The following CHRNA1 variants were observed in gnomAD, a reference collection of about 807,000 sequenced individuals.
CHRNA1 encodes the protein cholinergic receptor nicotinic alpha 1 subunit, also known as acetylcholine receptor subunit alpha.
CHRNA1 carries 35 observed loss-of-function variants against 47.1 expected under a neutral mutation model. The ratio of observed to expected loss-of-function variants is 0.74; its 90% CI spans 0.57 to 0.99. CHRNA1 has a LOEUF of 0.99. Among genes scored for constraint, CHRNA1 ranks in the 50% least tolerant of loss-of-function variants. The probability of loss-of-function intolerance (pLI) is 0.00; values close to 1 mark genes in which losing one functional copy is unlikely to be tolerated. For missense variants in CHRNA1, 506 were observed against 591.1 expected, an observed-to-expected ratio of 0.86 and a Z score of 1.49; for synonymous variants, 229 against 223.6, an observed-to-expected ratio of 1.02 and a Z score of -0.22.
At chr2:174,753,417 T>C in intron 6 of CHRNA1, 86 bp downstream of exon 6, 2 of 1,305,098 alleles carry the variant, frequency 1.5e-6, no homozygotes, top group African/African-American at 1.5e-5. Flanking sequence ...GCCTGTTTGT[T>C]AGCACATGAT....
intron 6 of CHRNA1, among the ~76,000 whole-genome samples, chr2:174,752,565 G>A (rs1011147027): frequency 2.6e-5 from 4 of 152,108 alleles, no homozygotes; most frequent in Admixed American, 1.3e-4. Flanking sequence ...GTGAGACCCG[G>A]TCTCAAAACA....
chr2:174,760,830 G>A lies in CHRNA1; in HGVS notation c.44-1197C>T, dbSNP rs1477097786. Among the ~76,000 whole-genome samples, 3 of 152,176 alleles carry A rather than the reference G, an allele frequency of 2.0e-5. No individual in the cohort carries two copies. In the South Asian group the frequency reaches 6.2e-4, roughly 32 times the overall value. On this transcript the variant is annotated intron_variant, in intron 1 of 8. Transcript: ENST00000348749. The stretch of plus-strand genomic sequence containing the variant: ...TGTTGACCTGGGTTTGGGGCTCCTA[G>A]TTGGAACATAAGCGATTCCAAGGAA...
At chr2:174,758,220 C>T (rs1684022525) in intron 3 of CHRNA1, among the ~76,000 whole-genome samples, 1 of 152,132 alleles carries the variant, frequency 6.6e-6, no homozygotes, top group Non-Finnish European at 1.5e-5. Flanking sequence ...ACCAGCCTGG[C>T]TAACATAGTG....
chr2:174,754,464 T>TG, intron 4 of CHRNA1, 50 bp from the exon 5 acceptor site: 2 of 1,532,748 alleles, frequency 1.3e-6, no homozygotes, highest in Non-Finnish European at 9.0e-7. Flanking sequence ...AGATGAGCCT[T>TG]CCATTCTGCT....
chr2:174,754,882 CTTT>C (rs34233623), intron 4 of CHRNA1, among the ~76,000 whole-genome samples: 3 of 120,408 alleles, frequency 2.5e-5, no homozygotes, highest in Non-Finnish European at 5.1e-5. Flanking sequence ...GCCTACTACT[CTTT>C]TTTTTTTTTT....
At position 174,748,241 on chromosome 2, in the gene CHRNA1, C is replaced by T. The variant is rs538109175; in HGVS notation, c.1257G>A (p.Trp419Ter). The stretch of plus-strand genomic sequence containing the variant: ...GGTCCATCACCATTGCAACGTACTT[C>T]CACTCTGCCGCCGCCTGGGAGAGAG... ...DQESNNAAAE[W>*]KYVAMVMDHI... is the part of the protein sequence containing the mutation. Residue 419 changes from tryptophan to a stop codon, truncating the protein, a stop_gained, in exon 9 of 9, where the codon TGG becomes TGA. Coordinates refer to ENST00000348749, the MANE Select transcript of CHRNA1 (RefSeq NM_000079.4). LOFTEE classifies it high-confidence loss of function. 1 of 1,614,124 alleles carries T rather than the reference C, an allele frequency of 6.2e-7. No homozygotes were observed. The highest frequency in any genetic ancestry group is 1.1e-5 in the South Asian group (1 of 91,072).
At position 174,759,488 on chromosome 2, in the gene CHRNA1, C is replaced by T; in HGVS notation, c.189G>A (p.Val63=). 6.2e-7 allele frequency: 1 copy of T among 1,614,122 alleles called. No homozygotes were observed. Among genetic ancestry groups the T allele is most frequent in the Non-Finnish European group, 8.5e-7 (1 of 1,180,026 alleles). The change falls in exon 2 of 9, where the codon GTG becomes GTA. Residue 63 remains valine (V), a splice_region_variant and synonymous_variant. Transcript: ENST00000348749. ...VGLQLIQLIN[V]DEVNQIVTTN... ...CAGGCCCCCAGTGCTCTTGTCTCACCACATTGATGAGCTGTATCAGCTGCA... is the reference window on the plus strand; with the variant it reads ...CAGGCCCCCAGTGCTCTTGTCTCACTACATTGATGAGCTGTATCAGCTGCA...
chr2:174,753,212 A>G (rs1683892905), intron 6 of CHRNA1: 1 of 605,010 alleles, frequency 1.7e-6, no homozygotes, highest in African/African-American at 1.8e-5. Flanking sequence ...CACAGTTGGT[A>G]TTCAGCAAAT....
chr2:174,761,875 T>C (rs1351554846), intron 1 of CHRNA1, among the ~76,000 whole-genome samples: 2 of 152,238 alleles, frequency 1.3e-5, no homozygotes, highest in African/African-American at 4.8e-5. Context: ...CTGAGCACCT[T>C]GGCCATTGAA....
intron 7 of CHRNA1, 67 bp downstream of exon 7, chr2:174,749,879 T>G (rs1683811017): frequency 7.3e-7 from 1 of 1,375,812 alleles, no homozygotes; most frequent in African/African-American, 1.4e-5. Context: ...AGAAACCCAC[T>G]GGCTCCTCGA....
chr2:174,761,404 C>A (rs1030672008), intron 1 of CHRNA1, among the ~76,000 whole-genome samples: 1 of 152,104 alleles, frequency 6.6e-6, no homozygotes, highest in Non-Finnish European at 1.5e-5. Flanking sequence ...CCTTAGCCTC[C>A]CCCAACCAAG....
At position 174,750,183 on chromosome 2, in the gene CHRNA1, A is replaced by C. The variant is rs1279225659; in HGVS notation, c.779-14T>G. The stretch of plus-strand genomic sequence containing the variant: ...TCATCTTCTCCCCTGAAAAGACCAA[A>C]AAAAAAAAAAAAAATCCCACAACTA... On this transcript the variant is annotated splice_polypyrimidine_tract_variant and intron_variant, in intron 6 of 8. Coordinates refer to ENST00000348749, the MANE Select transcript of CHRNA1 (RefSeq NM_000079.4). 1.4e-5 allele frequency: 2 copies of C among 145,418 alleles called. No individual in the cohort carries two copies. The highest frequency in any genetic ancestry group is 6.1e-5 in the African/African-American group (1 of 16,516). 9.0% of individuals were successfully genotyped at this position (145,418 alleles called of 1,614,324 possible).
intron 6 of CHRNA1, among the ~76,000 whole-genome samples, chr2:174,751,444 A>ATATG (rs1286866818): frequency 6.6e-6 from 1 of 152,184 alleles, no homozygotes; most frequent in African/African-American, 2.4e-5. Flanking sequence ...TATATATAGA[A>ATATG]TATGTATGTA....
chr2:174,762,359 T>G (rs1044986507), intron 1 of CHRNA1, among the ~76,000 whole-genome samples: 4 of 152,194 alleles, frequency 2.6e-5, no homozygotes, highest in Non-Finnish European at 2.9e-5. Context: ...TGTAAAAAGG[T>G]AGGGTGTAAA....
chr2:174,753,063 G>A, intron 6 of CHRNA1: 1 of 287,546 alleles, frequency 3.5e-6, no homozygotes, highest in Middle Eastern at 1.1e-3. Context: ...AAAAAGATAT[G>A]CAAAATCTAT....
intron 7 of CHRNA1, 152 bp downstream of exon 7, chr2:174,749,794 C>A: frequency 1.0e-5 from 7 of 689,368 alleles, no homozygotes; most frequent in South Asian, 9.8e-5. Flanking sequence ...TAAAAAGAGG[C>A]CAAAGAAAGT....
Position 174,748,132 on chromosome 2 carries a change from G to C in CHRNA1, c.1366C>G (p.Gln456Glu). The C allele has an allele frequency of 6.2e-7, 1 of 1,614,028 alleles. No homozygotes were observed. The highest frequency in any genetic ancestry group is 1.7e-5 in the Admixed American group (1 of 60,016). The change falls in exon 9 of 9, where the codon CAA (glutamine) becomes GAA (glutamate). Residue 456 changes from glutamine (Q) to glutamate (E), a missense_variant. Transcript: ENST00000348749. ...FAGRLIELNQ[Q>E]G ...CTCAGCTCATTTTCTGCTCATCCTT[G>C]CTGATTTAATTCAATGAGTCGACCT...
intron 4 of CHRNA1, among the ~76,000 whole-genome samples, 158 bp from the exon 5 acceptor site, chr2:174,754,572 C>T (rs773371032): frequency 1.3e-5 from 2 of 152,080 alleles, no homozygotes; most frequent in Non-Finnish European, 2.9e-5. Context: ...CAATGTTCCC[C>T]ATATTTGATA....
chr2:174,759,186 C>T, intron 3 of CHRNA1, 145 bp downstream of exon 3: 1 of 979,742 alleles, frequency 1.0e-6, no homozygotes, highest in Non-Finnish European at 1.6e-6. Context: ...CAAAACCAAA[C>T]AGGATCCATG....
Sources: gnomAD v4.1 joint callset for allele counts (sites outside exome capture counted in the v4.1 genomes callset) on GRCh38, gnomAD v4.1.1 for gene constraint, MANE v1.5 for transcripts, NCBI Gene and HGNC (gene_info 2026-07-23, HGNC 2026-07-21) for gene names.